The following ZNF618 variants were observed in gnomAD, a reference collection of about 807,000 sequenced individuals.
ZNF618 encodes neural precursor cell expressed, developmentally down-regulated 10.
In ZNF618, 34 loss-of-function variants were observed where a neutral mutation model predicts 103.0. That is an observed-to-expected ratio of 0.33 (90% CI 0.25 to 0.44). The LOEUF (loss-of-function observed/expected upper bound fraction) is 0.44. ZNF618 is among the 20% of genes least tolerant of loss of function. The probability of loss-of-function intolerance (pLI) is 1.00; values close to 1 mark genes in which losing one functional copy is unlikely to be tolerated. For missense variants in ZNF618, 1,059 were observed against 1,295.4 expected (o/e 0.82, Z 2.80); for synonymous variants, 551 against 542.2 (o/e 1.02, Z -0.23).
chr9:113,998,180 C>G, intron 3 of ZNF618, 79 bp from the exon 4 acceptor site: 1 of 1,318,162 alleles, frequency 7.6e-7, no homozygotes, highest in Non-Finnish European at 1.1e-6. Context: ...TCTCAAAGTG[C>G]AGCCAACTTC....
At chr9:113,984,413 G>A (rs1449823748) in intron 2 of ZNF618, among the ~76,000 whole-genome samples, 2 of 152,196 alleles carry the variant, frequency 1.3e-5, no homozygotes, top group Admixed American at 1.3e-4. Flanking sequence ...CAAGAGTCAT[G>A]GTCCTTCTTT....
chr9:113,980,090 G>A (rs972990204), intron 2 of ZNF618, among the ~76,000 whole-genome samples: 3 of 152,222 alleles, frequency 2.0e-5, no homozygotes, highest in Non-Finnish European at 4.4e-5. Context: ...ATTCATAGTC[G>A]GGAGTGACAG....
rs1429283341 is a variant in ZNF618, at chr9:114,054,648, T to A, written c.*4481T>A. 1 of 152,724 alleles carries A rather than the reference T, an allele frequency of 6.5e-6. No individual in the cohort carries two copies. Among genetic ancestry groups the A allele is most frequent in the Non-Finnish European group, 1.5e-5 (1 of 68,088 alleles). The allele number at this position is 152,724 out of a possible 1,614,324, so 9.5% of individuals were successfully genotyped here. On this transcript the variant is annotated 3_prime_UTR_variant, in exon 15 of 15. Transcript: ENST00000374126. ...AACTGGGAAGGAGGAAGCCCCTCCC[T>A]TTCACTGTGGCTAATGTTTGCTAGG...
At chr9:113,981,490 T>C (rs1838970667) in intron 2 of ZNF618, among the ~76,000 whole-genome samples, 1 of 152,160 alleles carries the variant, frequency 6.6e-6, no homozygotes, top group Non-Finnish European at 1.5e-5. Flanking sequence ...ACAGCAGAAA[T>C]AGGACTGAAG....
At chr9:113,919,807 C>CA (rs1832470049) in intron 1 of ZNF618, among the ~76,000 whole-genome samples, 1 of 152,016 alleles carries the variant, frequency 6.6e-6, no homozygotes, top group Admixed American at 6.5e-5. Context: ...AACTGAGGTC[C>CA]AAAAAAGGGA....
At chr9:113,967,784 G>GAT (rs1010845794) in intron 1 of ZNF618, among the ~76,000 whole-genome samples, 1 of 48,570 alleles carries the variant, frequency 2.1e-5, no homozygotes, top group Non-Finnish European at 4.5e-5. Context: ...GCTGGGACCA[G>GAT]ACGGGCTGGG....
intron 9 of ZNF618, 23 bp downstream of exon 9, chr9:114,008,577 C>T: frequency 2.5e-6 from 4 of 1,612,694 alleles, no homozygotes; most frequent in Non-Finnish European, 3.4e-6. Flanking sequence ...CCCTCTGGGG[C>T]CAAGGGCTGG....
intron 1 of ZNF618, among the ~76,000 whole-genome samples, chr9:113,876,887 A>G (rs1022154489): frequency 4.2e-5 from 6 of 142,584 alleles, no homozygotes; most frequent in Admixed American, 7.2e-5. Flanking sequence ...TTTTTAGGCC[A>G]TATTTTCCTT....
At chr9:113,899,071 C>T (rs564511236) in intron 1 of ZNF618, among the ~76,000 whole-genome samples, 4 of 151,912 alleles carry the variant, frequency 2.6e-5, no homozygotes, top group Admixed American at 6.6e-5. Flanking sequence ...TAACATCTAG[C>T]GGAAATTCCT....
At chr9:113,997,603 G>A (rs554456454) in intron 3 of ZNF618, among the ~76,000 whole-genome samples, 6 of 152,302 alleles carry the variant, frequency 3.9e-5, no homozygotes, top group South Asian at 4.1e-4. Context: ...CCAGGACCCC[G>A]AGCCCACTAA....
intron 1 of ZNF618, among the ~76,000 whole-genome samples, chr9:113,885,949 C>T (rs1472334244): frequency 1.3e-5 from 2 of 152,094 alleles, no homozygotes; most frequent in East Asian, 1.9e-4. Flanking sequence ...TGATGCTTGG[C>T]CCCCCAGTCT....
At chr9:113,912,044 C>T (rs963236329) in intron 1 of ZNF618, among the ~76,000 whole-genome samples, 9 of 152,202 alleles carry the variant, frequency 5.9e-5, no homozygotes, top group Admixed American at 2.6e-4. Flanking sequence ...CAGGTGTGGG[C>T]GGGGCCTGAG....
chr9:114,025,992 C>T (rs1351739983), intron 10 of ZNF618, among the ~76,000 whole-genome samples: 1 of 152,140 alleles, frequency 6.6e-6, no homozygotes, highest in Non-Finnish European at 1.5e-5. Flanking sequence ...GGGAGAGAGC[C>T]ATTGTTCAAA....
chr9:113,975,930 A>C (rs1838425484), intron 2 of ZNF618, among the ~76,000 whole-genome samples: 1 of 152,118 alleles, frequency 6.6e-6, no homozygotes, highest in Non-Finnish European at 1.5e-5. Context: ...ATTCGGGCAA[A>C]GTTTGTCCAC....
intron 2 of ZNF618, among the ~76,000 whole-genome samples, chr9:113,974,268 TG>T (rs1838281018): frequency 6.6e-6 from 1 of 152,164 alleles, no homozygotes; most frequent in Non-Finnish European, 1.5e-5. Flanking sequence ...GAAAGAGTTG[TG>T]GGGGCCGAAG....
At chr9:113,892,109 T>C (rs1829662570) in intron 1 of ZNF618, among the ~76,000 whole-genome samples, 1 of 152,154 alleles carries the variant, frequency 6.6e-6, no homozygotes, top group Admixed American at 6.6e-5. Context: ...AGTTTCAGTT[T>C]TGTAAAATGA....
chr9:113,944,917 G>T (rs1266074816), intron 1 of ZNF618, among the ~76,000 whole-genome samples: 1 of 152,178 alleles, frequency 6.6e-6, no homozygotes, highest in Non-Finnish European at 1.5e-5. Context: ...CAACCATGTT[G>T]GACAGTGTGG....
intron 10 of ZNF618, among the ~76,000 whole-genome samples, chr9:114,024,978 G>T (rs1020638480): frequency 6.6e-6 from 1 of 152,142 alleles, no homozygotes; most frequent in African/African-American, 2.4e-5. Flanking sequence ...TCTCTGCCCT[G>T]GTCCAGAGGG....
In ZNF618 at chr9:114,006,468, A is replaced by G. The variant is rs182271014; in HGVS notation, c.551-882A>G. ...CACACATGAGGTTCGTGCCAGTGCA[A>G]ACGTTAGAGTGTGCCATTGTGGAGG... is the stretch of plus-strand genomic sequence containing the variant. On this transcript the variant is annotated intron_variant, in intron 6 of 14. Coordinates refer to ENST00000374126, the MANE Select transcript of ZNF618 (RefSeq NM_001318042.2). 4.2e-3 allele frequency among the ~76,000 whole-genome samples: 643 copies of G among 152,286 alleles called. 2 individuals are homozygous for G. The highest frequency in any genetic ancestry group is 5.5e-3 in the Non-Finnish European group (372 of 68,016).
Sources: allele counts gnomAD v4.1 joint callset (sites outside exome capture counted in the v4.1 genomes callset), GRCh38; gene constraint gnomAD v4.1.1; transcripts MANE v1.5; gene names NCBI Gene and HGNC (gene_info 2026-07-23, HGNC 2026-07-21).